Variants in DIPK1A observed in about 807,000 individuals in gnomAD.
The protein encoded by DIPK1A is divergent protein kinase domain 1A.
A neutral mutation model predicts 40.8 loss-of-function variants in DIPK1A; 27 were observed. That is an observed-to-expected ratio of 0.66 (90% CI 0.49 to 0.91). The LOEUF is 0.91. Among genes scored for constraint, DIPK1A ranks in the 40% least tolerant of loss-of-function variants. The pLI is 0.00. For synonymous variants in DIPK1A, 166 were observed against 171.3 expected, an observed-to-expected ratio of 0.97 and a Z score of 0.24; for missense variants, 412 against 505.7, an observed-to-expected ratio of 0.81 and a Z score of 1.78.
At chr1:92,906,825 C>T (rs1649643871) in intron 1 of DIPK1A, among the ~76,000 whole-genome samples, 1 of 152,090 alleles carries the variant, frequency 6.6e-6, no homozygotes, top group East Asian at 1.9e-4. Context: ...AATGAAAGGG[C>T]TGAGCTACTT....
chr1:92,934,461 G>C (rs1406072092), intron 1 of DIPK1A, among the ~76,000 whole-genome samples: 1 of 151,942 alleles, frequency 6.6e-6, no homozygotes, highest in Non-Finnish European at 1.5e-5. Flanking sequence ...AAATCTAGGA[G>C]ACTAGTTTAA....
intron 1 of DIPK1A, among the ~76,000 whole-genome samples, chr1:92,889,701 G>C (rs1048559623): frequency 2.6e-5 from 4 of 151,770 alleles, no homozygotes; most frequent in Admixed American, 2.6e-4. Context: ...AGGCTGGAGT[G>C]CAGTGATGTA....
At chr1:92,844,885 A>G (rs1384295164) in intron 4 of DIPK1A, among the ~76,000 whole-genome samples, 1 of 151,986 alleles carries the variant, frequency 6.6e-6, no homozygotes, top group African/African-American at 2.4e-5. Context: ...CAATGAAAAT[A>G]AAACTTTTTT....
chr1:92,855,225 C>A (rs1305871137), intron 2 of DIPK1A, among the ~76,000 whole-genome samples: 1 of 152,022 alleles, frequency 6.6e-6, no homozygotes, highest in Non-Finnish European at 1.5e-5. Context: ...TAGAAGTGAA[C>A]AACAATGCAA....
At position 92,957,734 on chromosome 1, in the gene DIPK1A, T is replaced by C. The variant is rs1201770649; in HGVS notation, c.54+3642A>G. On this transcript the variant is annotated intron_variant, in intron 1 of 4. Transcript: ENST00000370310. ...TTATTTTTCAACTGTTTTATGGAGA[T>C]ATACTAATAATTCACATATCCTACA... Among the ~76,000 whole-genome samples the C allele has an allele frequency of 2.0e-5, 3 of 152,276 alleles. No homozygotes were observed. In the East Asian group the frequency reaches 5.8e-4, roughly 29 times the overall value.
Position 92,844,697 on chromosome 1 carries a change from C to T in DIPK1A, c.475-502G>A, listed in dbSNP as rs951031952. On this transcript the variant is annotated intron_variant, in intron 4 of 4. Transcript: ENST00000370310. ...TCCTACCTCAGCCTCCCAAAGTGCT[C>T]GGATTACAGGCATGAGCCAGCATGC... Among the ~76,000 whole-genome samples, 9 of 152,052 alleles carry T rather than the reference C, an allele frequency of 5.9e-5. No homozygotes were observed. In the East Asian group the frequency reaches 1.2e-3, roughly 20 times the overall value.
chr1:92,936,976 TAA>T (rs1487973722), intron 1 of DIPK1A, among the ~76,000 whole-genome samples: 1 of 152,208 alleles, frequency 6.6e-6, no homozygotes, highest in Non-Finnish European at 1.5e-5. Context: ...CCAAAAAGCA[TAA>T]ACATAGTCCC....
At chr1:92,845,811 G>A (rs1440074722) in intron 4 of DIPK1A, among the ~76,000 whole-genome samples, 2 of 150,212 alleles carry the variant, frequency 1.3e-5, no homozygotes, top group East Asian at 4.0e-4. Flanking sequence ...CTCCAGCCTG[G>A]GCAACAGAGC....
chr1:92,922,965 A>T (rs913969467), intron 1 of DIPK1A, among the ~76,000 whole-genome samples: 2 of 152,044 alleles, frequency 1.3e-5, no homozygotes, highest in African/African-American at 4.8e-5. Flanking sequence ...AAATTTCTCA[A>T]ATCTGTTTTC....
intron 4 of DIPK1A, chr1:92,833,351 A>C: frequency 6.7e-7 from 1 of 1,496,342 alleles, no homozygotes; most frequent in Non-Finnish European, 9.3e-7. Flanking sequence ...TCATAGGCTA[A>C]GACATCAAAG....
chr1:92,953,354 T>C (rs1419149133), intron 1 of DIPK1A, among the ~76,000 whole-genome samples: 1 of 152,026 alleles, frequency 6.6e-6, no homozygotes, highest in Non-Finnish European at 1.5e-5. Flanking sequence ...GTATGAAGGT[T>C]GCTAAAAAAA....
intron 1 of DIPK1A, among the ~76,000 whole-genome samples, chr1:92,958,497 T>C (rs184989261): frequency 2.0e-5 from 3 of 152,302 alleles, no homozygotes; most frequent in East Asian, 1.9e-4. Flanking sequence ...CCTCCATCTC[T>C]TCCCTCTATC....
intron 1 of DIPK1A, among the ~76,000 whole-genome samples, chr1:92,938,695 C>T (rs1430785593): frequency 2.6e-5 from 4 of 151,942 alleles, no homozygotes; most frequent in Admixed American, 6.6e-5. Context: ...CTAAAGAATT[C>T]CTCTTTCAAT....
chr1:92,834,788 G>T (rs904664294), intron 4 of DIPK1A: 3 of 1,613,140 alleles, frequency 1.9e-6, no homozygotes, highest in East Asian at 2.2e-5. Context: ...GATTGCTTAT[G>T]CCCGTATAGA....
chr1:92,947,902 C>T (rs920452062), intron 1 of DIPK1A, among the ~76,000 whole-genome samples: 4 of 151,944 alleles, frequency 2.6e-5, no homozygotes, highest in African/African-American at 9.7e-5. Context: ...GGAAAAGGTA[C>T]GGGGGACAGA....
At position 92,937,375 on chromosome 1, in the gene DIPK1A, C is replaced by T. The variant is rs575059672; in HGVS notation, c.54+24001G>A. Among the ~76,000 whole-genome samples, 3 of 152,270 alleles carry T rather than the reference C, an allele frequency of 2.0e-5. No homozygotes were observed. In the East Asian group the frequency reaches 5.8e-4, roughly 29 times the overall value. Reference sequence around the variant, plus strand: ...CTGGTGACTAACCTATCATAAATACCTTGCAAGTATTACTTCACAGATACT... The same window carrying T: ...CTGGTGACTAACCTATCATAAATACTTTGCAAGTATTACTTCACAGATACT... On this transcript the variant is annotated intron_variant, in intron 1 of 4. Coordinates refer to ENST00000370310, the MANE Select transcript of DIPK1A (RefSeq NM_001006605.5).
chr1:92,833,095 T>C lies in DIPK1A; in HGVS notation c.475-61A>G, dbSNP rs943688624. On this transcript the variant is annotated intron_variant, in intron 4 of 4. Coordinates refer to the DIPK1A transcript ENST00000615519. ...AAACCTTTTGAAAGCAATATAACAA[T>C]AATTTTATACCTGTTAAATGTAATA... is the stretch of plus-strand genomic sequence containing the variant. The C allele has an allele frequency of 6.7e-5, 47 of 705,856 alleles. No homozygotes were observed. In the East Asian group the frequency reaches 1.0e-3, roughly 16 times the overall value. 43.7% of individuals were successfully genotyped at this position (705,856 alleles called of 1,614,324 possible). A position where few individuals can be genotyped will look rare whatever the true frequency, so the allele number is the denominator to read the frequency against.
At chr1:92,846,817 A>ATATGTGTGTG (rs1553123771) in intron 4 of DIPK1A, among the ~76,000 whole-genome samples, 3 of 5,714 alleles carry the variant, frequency 5.3e-4, no homozygotes, top group African/African-American at 2.8e-3. Context: ...ATATATATAT[A>ATATGTGTGTG]TATATATATA....
chr1:92,952,021 C>A (rs1651653249), intron 1 of DIPK1A, among the ~76,000 whole-genome samples: 1 of 139,790 alleles, frequency 7.2e-6, no homozygotes, highest in Non-Finnish European at 1.5e-5. Flanking sequence ...GAAATTAAAA[C>A]TACAATGAAA....
Sources: allele counts gnomAD v4.1 joint callset (sites outside exome capture counted in the v4.1 genomes callset), GRCh38; gene constraint gnomAD v4.1.1; transcripts MANE v1.5; gene names NCBI Gene and HGNC (gene_info 2026-07-23, HGNC 2026-07-21).